Variants in OLFM3 observed in about 807,000 individuals in gnomAD.
OLFM3 encodes the protein olfactomedin 3, also known as noelin-3.
In OLFM3, 20 loss-of-function variants were observed where a neutral mutation model predicts 48.6. That is an observed-to-expected ratio of 0.41 (90% confidence interval 0.29 to 0.60). The LOEUF (loss-of-function observed/expected upper bound fraction) is 0.60. Ranked by LOEUF, OLFM3 falls within the 20% of genes least tolerant of loss-of-function variation. The probability of loss-of-function intolerance (pLI) is 0.28; values close to 1 mark genes in which losing one functional copy is unlikely to be tolerated. For synonymous variants in OLFM3, 222 were observed against 198.1 expected (o/e 1.12, Z -1.01); for missense variants, 437 against 544.3 (o/e 0.80, Z 1.96).
chr1:101,809,044 G>A (rs1025044115), intron 4 of OLFM3, among the ~76,000 whole-genome samples: 1 of 151,118 alleles, frequency 6.6e-6, no homozygotes, highest in Non-Finnish European at 1.5e-5. Flanking sequence ...TAAAGCAAAA[G>A]AGATAAAAAT....
intron 1 of OLFM3, among the ~76,000 whole-genome samples, chr1:101,989,240 G>A (rs946470627): frequency 3.3e-5 from 5 of 152,080 alleles, no homozygotes; most frequent in Middle Eastern, 3.2e-3. Flanking sequence ...TTATACTTCT[G>A]AAGGCTTGGT....
chr1:101,817,708 T>G (rs1244846384), intron 4 of OLFM3, among the ~76,000 whole-genome samples: 1 of 152,046 alleles, frequency 6.6e-6, no homozygotes, highest in African/African-American at 2.4e-5. Flanking sequence ...TATAAACAAA[T>G]TAAATGGATT....
At chr1:101,937,508 C>G (rs1659660924) in intron 1 of OLFM3, among the ~76,000 whole-genome samples, 1 of 152,086 alleles carries the variant, frequency 6.6e-6, no homozygotes, top group South Asian at 2.1e-4. Flanking sequence ...GTACTTATGA[C>G]AGTGAATAAG....
intron 1 of OLFM3, among the ~76,000 whole-genome samples, chr1:101,917,349 A>G (rs1658960480): frequency 6.6e-6 from 1 of 152,172 alleles, no homozygotes; most frequent in African/African-American, 2.4e-5. Context: ...AAATAGACAA[A>G]TTGTTGTTAG....
rs1369201245 is a variant in OLFM3 at position 101,836,859 on chromosome 1, AGGGG to A, written c.216+16_216+19del. On this transcript the variant is annotated intron_variant, in intron 2 of 5. Transcript: ENST00000370103. ...GGTCGATTTTACTAAAAATATGCATAGGGGACACAGGACACCTACCTTTTCCAGT... is the reference window on the plus strand; with the variant it reads ...GGTCGATTTTACTAAAAATATGCATAACACAGGACACCTACCTTTTCCAGT... The A allele has an allele frequency of 6.2e-7, 1 of 1,612,224 alleles. No individual in the cohort carries two copies.
intron 1 of OLFM3, among the ~76,000 whole-genome samples, chr1:101,960,140 C>G (rs1250227990): frequency 6.6e-6 from 1 of 152,038 alleles, no homozygotes; most frequent in South Asian, 2.1e-4. Flanking sequence ...AATTGTGTAC[C>G]AAAAGCACTA....
intron 4 of OLFM3, among the ~76,000 whole-genome samples, chr1:101,811,877 A>T (rs1197020032): frequency 6.6e-6 from 1 of 152,182 alleles, no homozygotes; most frequent in Non-Finnish European, 1.5e-5. Context: ...CTATAAAGAC[A>T]CATGCACACG....
chr1:101,852,374 C>G (rs549183187), intron 1 of OLFM3, among the ~76,000 whole-genome samples: 1 of 152,218 alleles, frequency 6.6e-6, no homozygotes, highest in South Asian at 2.1e-4. Flanking sequence ...CCCCAACTTT[C>G]TTAACCTATG....
At chr1:101,958,279 T>A (rs1221361005) in intron 1 of OLFM3, among the ~76,000 whole-genome samples, 1 of 152,150 alleles carries the variant, frequency 6.6e-6, no homozygotes, top group Admixed American at 6.6e-5. Flanking sequence ...CTTTGCAATA[T>A]TAGAATCTTA....
chr1:101,915,902 C>T (rs1279763913), intron 1 of OLFM3, among the ~76,000 whole-genome samples: 2 of 152,230 alleles, frequency 1.3e-5, no homozygotes, highest in African/African-American at 4.8e-5. Flanking sequence ...ATTAATAATA[C>T]TACCCTGTGG....
intron 1 of OLFM3, among the ~76,000 whole-genome samples, chr1:101,864,640 T>C (rs533384035): frequency 4.6e-5 from 7 of 152,312 alleles, no homozygotes; most frequent in Non-Finnish European, 1.0e-4. Flanking sequence ...TGAGGTTTTC[T>C]TGAGGAATGT....
intron 1 of OLFM3, among the ~76,000 whole-genome samples, chr1:101,992,433 GT>G (rs138794792): frequency 0.015 from 2,334 of 152,242 alleles, 56 homozygotes; most frequent in African/African-American, 0.054. Context: ...GAACTCTTCA[GT>G]TTTTGCCACA....
At chr1:101,945,686 G>A (rs1396422239) in intron 1 of OLFM3, among the ~76,000 whole-genome samples, 1 of 151,862 alleles carries the variant, frequency 6.6e-6, no homozygotes, top group Non-Finnish European at 1.5e-5. Context: ...AGTGGCTCAC[G>A]CCTATAATCA....
intron 1 of OLFM3, among the ~76,000 whole-genome samples, chr1:101,889,517 G>T (rs945038248): frequency 1.7e-4 from 26 of 152,132 alleles, no homozygotes; most frequent in African/African-American, 5.8e-4. Flanking sequence ...TGGGTCAAGG[G>T]GGGAGGGATA....
chr1:101,886,994 A>G (rs1171724912), intron 1 of OLFM3, among the ~76,000 whole-genome samples: 1 of 152,056 alleles, frequency 6.6e-6, no homozygotes, highest in Non-Finnish European at 1.5e-5. Context: ...AGGGGAATTA[A>G]TGGATATTTT....
chr1:101,890,916 T>A (rs1346473867), intron 1 of OLFM3, among the ~76,000 whole-genome samples: 1 of 151,946 alleles, frequency 6.6e-6, no homozygotes, highest in African/African-American at 2.4e-5. Context: ...TGGAAAAAAA[T>A]TTGCCTTCAG....
intron 1 of OLFM3, among the ~76,000 whole-genome samples, chr1:101,941,680 A>T (rs1659800011): frequency 6.6e-6 from 1 of 152,216 alleles, no homozygotes; most frequent in Non-Finnish European, 1.5e-5. Flanking sequence ...CATTTCAGAA[A>T]TTATAATCAG....
chr1:101,841,900 G>T (rs1276325738), intron 1 of OLFM3, among the ~76,000 whole-genome samples: 1 of 152,182 alleles, frequency 6.6e-6, no homozygotes, highest in Non-Finnish European at 1.5e-5. Flanking sequence ...GGAGATACCT[G>T]AGTGATGAAA....
intron 1 of OLFM3, among the ~76,000 whole-genome samples, chr1:101,904,285 T>C (rs759754073): frequency 3.3e-5 from 5 of 152,084 alleles, no homozygotes; most frequent in African/African-American, 9.7e-5. Flanking sequence ...TCAGGGTAAA[T>C]TGGAACAGAA....
Sources: allele counts gnomAD v4.1 joint callset (sites outside exome capture counted in the v4.1 genomes callset), GRCh38; gene constraint gnomAD v4.1.1; transcripts MANE v1.5; gene names NCBI Gene and HGNC (gene_info 2026-07-23, HGNC 2026-07-21).